The following SLC35F3 variants were observed in gnomAD, a reference collection of about 807,000 sequenced individuals.
SLC35F3 encodes solute carrier family 35 member F3.
Under a neutral mutation model 49.9 loss-of-function variants are expected in SLC35F3, and 25 were observed. The observed-to-expected ratio is 0.50, with a 90% CI of 0.37 to 0.70. The LOEUF is 0.70. Among genes scored for constraint, SLC35F3 ranks in the 30% least tolerant of loss-of-function variants. The probability of loss-of-function intolerance (pLI) is 0.00; values close to 1 mark genes in which losing one functional copy is unlikely to be tolerated. For missense variants in SLC35F3, 525 were observed against 639.8 expected, an observed-to-expected ratio of 0.82 and a Z score of 1.94; for synonymous variants, 275 against 265.4, an observed-to-expected ratio of 1.04 and a Z score of -0.35.
intron 2 of SLC35F3, among the ~76,000 whole-genome samples, chr1:234,073,983 G>T (rs567542340): frequency 6.6e-6 from 1 of 152,230 alleles, no homozygotes; most frequent in Non-Finnish European, 1.5e-5. Flanking sequence ...TTTTCTGCTA[G>T]GTCTGGCAGG....
intron 2 of SLC35F3, among the ~76,000 whole-genome samples, chr1:234,069,299 C>T (rs1300925689): frequency 3.4e-5 from 5 of 146,414 alleles, no homozygotes; most frequent in Middle Eastern, 3.3e-3. Flanking sequence ...GCTCTGTCAC[C>T]CAGGCTGGAG....
At chr1:234,260,566 G>T (rs756095861) in intron 3 of SLC35F3, among the ~76,000 whole-genome samples, 1 of 152,138 alleles carries the variant, frequency 6.6e-6, no homozygotes, top group Non-Finnish European at 1.5e-5. Flanking sequence ...GTTTTGAACG[G>T]TAAGACTAGC....
intron 2 of SLC35F3, among the ~76,000 whole-genome samples, chr1:233,917,860 A>ATACATTTATACAT (rs1661996752): frequency 6.6e-6 from 1 of 152,244 alleles, no homozygotes. Flanking sequence ...ATACGCTAAT[A>ATACATTTATACAT]AAAACCAAAA....
intron 3 of SLC35F3, among the ~76,000 whole-genome samples, chr1:234,298,729 A>G (rs568651536): frequency 6.6e-6 from 1 of 152,360 alleles, no homozygotes; most frequent in Admixed American, 6.5e-5. Context: ...GTCATTTCAG[A>G]ACCTCCTTTG....
At chr1:234,041,271 A>T (rs149505033) in intron 2 of SLC35F3, among the ~76,000 whole-genome samples, 168 of 152,256 alleles carry the variant, frequency 1.1e-3, no homozygotes, top group African/African-American at 3.9e-3. Context: ...GGTCTGCTGG[A>T]TCTTTCTCCT....
At chr1:234,036,624 T>C (rs1211991472) in intron 2 of SLC35F3, among the ~76,000 whole-genome samples, 1 of 152,236 alleles carries the variant, frequency 6.6e-6, no homozygotes, top group Non-Finnish European at 1.5e-5. Context: ...TTGTGTTCTA[T>C]CTTTTCACAA....
intron 3 of SLC35F3, among the ~76,000 whole-genome samples, chr1:234,299,087 C>T (rs1029057368): frequency 5.9e-5 from 9 of 152,136 alleles, no homozygotes; most frequent in African/African-American, 2.2e-4. Context: ...GGCAACCTAG[C>T]CATGGATTGA....
chr1:234,096,668 G>A (rs902007339), intron 2 of SLC35F3, among the ~76,000 whole-genome samples: 1 of 152,116 alleles, frequency 6.6e-6, no homozygotes. Context: ...TAGATTCTTA[G>A]TCTGAAAATA....
Position 234,214,886 on chromosome 1 carries a change from T to C in SLC35F3, c.284-16531T>C. The C allele has an allele frequency of 3.3e-6, 1 of 307,202 alleles. No homozygotes were observed. The allele number at this position is 307,202 out of a possible 1,614,324, so 19.0% of individuals were successfully genotyped here. A position where few individuals can be genotyped will look rare whatever the true frequency, so the allele number is the denominator to read the frequency against. Reference sequence around the variant, plus strand: ...CCCTCACCTCCATCCCAGTTTGTCCTGGGGCTCTTGTCTGTTCGGCAGGAG... The same window carrying C: ...CCCTCACCTCCATCCCAGTTTGTCCCGGGGCTCTTGTCTGTTCGGCAGGAG... On this transcript the variant is annotated intron_variant, in intron 2 of 7. Transcript: ENST00000366618. The surrounding 1 kb of genome is among the most constrained non-coding windows in gnomAD (Gnocchi z 8.0).
chr1:233,943,945 G>A (rs2102800625), intron 2 of SLC35F3, among the ~76,000 whole-genome samples: 1 of 152,176 alleles, frequency 6.6e-6, no homozygotes, highest in African/African-American at 2.4e-5. Flanking sequence ...GACTTTTGGG[G>A]AAAAAATGGA....
intron 2 of SLC35F3, among the ~76,000 whole-genome samples, chr1:233,936,643 T>C (rs1273944459): frequency 4.0e-5 from 6 of 151,830 alleles, no homozygotes; most frequent in African/African-American, 1.2e-4. Flanking sequence ...TTCTTCTTCC[T>C]CTTCTCCTCC....
At chr1:233,913,236 C>T (rs1432659995) in intron 2 of SLC35F3, among the ~76,000 whole-genome samples, 37 of 152,092 alleles carry the variant, frequency 2.4e-4, no homozygotes, top group African/African-American at 9.7e-5. Context: ...ACGGTAATTC[C>T]GCTTGATTAG....
intron 2 of SLC35F3, among the ~76,000 whole-genome samples, chr1:234,144,231 G>T (rs1261512149): frequency 6.6e-6 from 1 of 152,202 alleles, no homozygotes; most frequent in East Asian, 1.9e-4. Flanking sequence ...GAAACACAGA[G>T]ATGCTCCATA....
intron 3 of SLC35F3, among the ~76,000 whole-genome samples, chr1:234,243,569 G>T (rs1190341482): frequency 1.3e-5 from 2 of 152,152 alleles, no homozygotes; most frequent in Non-Finnish European, 2.9e-5. Context: ...CGTGCATTTT[G>T]CAGAATCCTT....
chr1:234,212,800 T>TACA (rs771038011), intron 2 of SLC35F3: 10 of 152,244 alleles, frequency 6.6e-5, no homozygotes, highest in African/African-American at 9.6e-5. Flanking sequence ...CTCTTTAATA[T>TACA]ACAACATGTA....
chr1:234,270,851 T>A (rs541544397), intron 3 of SLC35F3, among the ~76,000 whole-genome samples: 5 of 152,334 alleles, frequency 3.3e-5, no homozygotes, highest in South Asian at 2.1e-4. Flanking sequence ...GGTGTTGTAG[T>A]GGCCCAGGAG....
At chr1:234,080,072 T>A (rs1239781950) in intron 2 of SLC35F3, among the ~76,000 whole-genome samples, 2 of 152,128 alleles carry the variant, frequency 1.3e-5, no homozygotes, top group Admixed American at 1.3e-4. Flanking sequence ...AACAAGGTGA[T>A]CAAAGGGATA....
intron 2 of SLC35F3, among the ~76,000 whole-genome samples, chr1:234,043,131 GCCTCTATC>G (rs1167675537): frequency 6.6e-6 from 1 of 152,098 alleles, no homozygotes; most frequent in African/African-American, 2.4e-5. Flanking sequence ...ATACATTTGA[GCCTCTATC>G]CCTACCTCCA....
chr1:233,963,055 A>G (rs1662831152), intron 2 of SLC35F3, among the ~76,000 whole-genome samples: 1 of 152,200 alleles, frequency 6.6e-6, no homozygotes, highest in African/African-American at 2.4e-5. Flanking sequence ...CTGCTGGAGT[A>G]CAGAGACAAG....
Sources: gnomAD v4.1 joint callset for allele counts (sites outside exome capture counted in the v4.1 genomes callset) on GRCh38, gnomAD v4.1.1 for gene constraint, Gnocchi (gnomAD v3.1) non-coding constraint, MANE v1.5 for transcripts, NCBI Gene and HGNC (gene_info 2026-07-23, HGNC 2026-07-21) for gene names.